PPP2R2B: variants seen among roughly 807,000 people sequenced by gnomAD.
PPP2R2B encodes serine/threonine-protein phosphatase 2A 55 kDa regulatory subunit B beta isoform.
A neutral mutation model predicts 46.0 loss-of-function variants in PPP2R2B; 5 were observed. The observed-to-expected ratio is 0.11, with a 90% confidence interval of 0.06 to 0.23. The LOEUF (loss-of-function observed/expected upper bound fraction) is 0.23. Ranked by LOEUF, PPP2R2B falls within the 10% of genes least tolerant of loss-of-function variation. PPP2R2B has a pLI of 1.00. For missense variants in PPP2R2B, 367 were observed against 575.0 expected, an observed-to-expected ratio of 0.64 and a Z score of 3.70; for synonymous variants, 215 against 206.7, an observed-to-expected ratio of 1.04 and a Z score of -0.34.
At chr5:146,650,469 C>A in intron 6 of PPP2R2B, 78 bp downstream of exon 6, 2 of 1,364,886 alleles carry the variant, frequency 1.5e-6, no homozygotes, top group Non-Finnish European at 1.0e-6. Flanking sequence ...ATTTCTATTC[C>A]ATATTTTCTC....
At chr5:146,691,061 C>G in intron 5 of PPP2R2B, 67 bp downstream of exon 5, 2 of 1,404,484 alleles carry the variant, frequency 1.4e-6, no homozygotes, top group Non-Finnish European at 1.0e-6. Flanking sequence ...CAGTAACAAC[C>G]AGCACATGGC....
chr5:146,618,234 G>A lies in PPP2R2B; in HGVS notation c.791-17774C>T, dbSNP rs7733139. On this transcript the variant is annotated intron_variant, in intron 7 of 9. Transcript: ENST00000394411. Reference sequence around the variant, plus strand: ...CAAGAGGGTCAAAGTCTGAATAACCGTATATGAGAAAGACAAGACTGGTCA... The same window carrying A: ...CAAGAGGGTCAAAGTCTGAATAACCATATATGAGAAAGACAAGACTGGTCA... Among the ~76,000 whole-genome samples the A allele has an allele frequency of 3.3e-3, 502 of 152,236 alleles. 4 individuals are homozygous for A. Among genetic ancestry groups the A allele is most frequent in the African/African-American group, 0.012 (479 of 41,548 alleles).
intron 1 of PPP2R2B, among the ~76,000 whole-genome samples, chr5:147,049,869 A>G (rs954094964): frequency 1.2e-4 from 18 of 152,228 alleles, no homozygotes; most frequent in African/African-American, 4.3e-4. Flanking sequence ...AGGTGGTGAC[A>G]GTGAGTGTGG....
At chr5:146,775,072 A>G (rs138545728) in intron 2 of PPP2R2B, among the ~76,000 whole-genome samples, 117 of 152,288 alleles carry the variant, frequency 7.7e-4, no homozygotes, top group African/African-American at 1.9e-3. Flanking sequence ...ATTAACACCA[A>G]TCCTTCTCAA....
intron 2 of PPP2R2B, chr5:146,706,606 G>A (rs1779872872): frequency 9.8e-6 from 8 of 816,708 alleles, no homozygotes; most frequent in South Asian, 9.3e-5. Context: ...AGCTCCCTGC[G>A]CTGCTCCGCA....
intron 2 of PPP2R2B, among the ~76,000 whole-genome samples, chr5:146,812,355 G>A (rs896893505): frequency 1.1e-4 from 16 of 148,320 alleles, no homozygotes; most frequent in African/African-American, 3.5e-4. Flanking sequence ...AGGAGGCTTC[G>A]TTGTAGTACT....
intron 1 of PPP2R2B, among the ~76,000 whole-genome samples, chr5:147,024,131 A>C (rs902629713): frequency 1.3e-5 from 2 of 151,662 alleles, no homozygotes; most frequent in African/African-American, 4.8e-5. Context: ...TGCGTGAGCC[A>C]ATTCTCATAA....
chr5:147,019,615 T>C (rs1755168144), intron 1 of PPP2R2B, among the ~76,000 whole-genome samples: 1 of 152,108 alleles, frequency 6.6e-6, no homozygotes, highest in Admixed American at 6.5e-5. Context: ...AAAAAGTCTA[T>C]CTATTACTTT....
chr5:146,909,729 G>T lies in PPP2R2B; in HGVS notation c.79+145936C>A, dbSNP rs1488862213. ...GTGACATATCTTGAGAAGAGTCAGG[G>T]TCTTTTCCAGTCTGCTGGTTCTGTG... On this transcript the variant is annotated intron_variant, in intron 1 of 8. Transcript: ENST00000336640. 4.6e-5 allele frequency among the ~76,000 whole-genome samples: 7 copies of T among 152,270 alleles called. No homozygotes were observed. In the East Asian group the frequency reaches 1.4e-3, roughly 29 times the overall value.
chr5:147,029,405 C>T (rs1241198157), intron 1 of PPP2R2B, among the ~76,000 whole-genome samples: 3 of 152,172 alleles, frequency 2.0e-5, no homozygotes, highest in Non-Finnish European at 1.5e-5. Flanking sequence ...ACATTTTCTC[C>T]ATTGCTCTGC....
chr5:146,936,195 A>G (rs1764133570), intron 1 of PPP2R2B, among the ~76,000 whole-genome samples: 1 of 152,116 alleles, frequency 6.6e-6, no homozygotes, highest in South Asian at 2.1e-4. Flanking sequence ...GTGTCTCAGT[A>G]TCTTATCTTT....
At chr5:146,738,695 G>A (rs1304030366) in intron 2 of PPP2R2B, among the ~76,000 whole-genome samples, 1 of 152,100 alleles carries the variant, frequency 6.6e-6, no homozygotes, top group African/African-American at 2.4e-5. Context: ...TTCCTCATGG[G>A]CAGAGAGCAC....
chr5:146,815,574 T>C (rs951072184), intron 2 of PPP2R2B, among the ~76,000 whole-genome samples: 5 of 152,222 alleles, frequency 3.3e-5, no homozygotes, highest in African/African-American at 1.2e-4. Context: ...GGGCGTGGCT[T>C]GTGGCTAATT....
rs111595117 is a variant in PPP2R2B at position 146,740,033 on chromosome 5, G to A, written c.71-38891C>T. 4.1e-3 allele frequency among the ~76,000 whole-genome samples: 629 copies of A among 152,290 alleles called. 2 individuals are homozygous for A. The highest frequency in any genetic ancestry group is 0.014 in the African/African-American group (595 of 41,556). Reference sequence around the variant, plus strand: ...GAGTGAGATATTATCATTTTCATCAGATTCTCAAAGGAACCTAAGACCTCA... The same window carrying A: ...GAGTGAGATATTATCATTTTCATCAAATTCTCAAAGGAACCTAAGACCTCA... On this transcript the variant is annotated intron_variant, in intron 2 of 9. Transcript: ENST00000394411.
chr5:146,701,235 T>C, intron 2 of PPP2R2B, 93 bp from the exon 3 acceptor site: 1 of 1,107,328 alleles, frequency 9.0e-7, no homozygotes, highest in Non-Finnish European at 1.4e-6. Flanking sequence ...TTTAAGGGCT[T>C]AGGGCTTTGT....
chr5:146,946,650 A>C (rs1561534869), intron 1 of PPP2R2B, among the ~76,000 whole-genome samples: 4 of 152,160 alleles, frequency 2.6e-5, no homozygotes, highest in Admixed American at 6.6e-5. Context: ...TTGTATGTAG[A>C]GTATATAAAA....
chr5:146,760,206 G>A (rs1754076310), intron 2 of PPP2R2B, among the ~76,000 whole-genome samples: 1 of 152,158 alleles, frequency 6.6e-6, no homozygotes, highest in African/African-American at 2.4e-5. Context: ...TAGGAACTAT[G>A]CCAAGTGCTT....
intron 5 of PPP2R2B, 40 bp downstream of exon 5, chr5:146,691,088 G>T: frequency 1.9e-6 from 3 of 1,564,496 alleles, no homozygotes; most frequent in Non-Finnish European, 2.6e-6. Context: ...TAGGAGACCT[G>T]CCCCTGACTG....
chr5:146,937,499 A>T (rs992485392), intron 1 of PPP2R2B, among the ~76,000 whole-genome samples: 2 of 152,136 alleles, frequency 1.3e-5, no homozygotes, highest in African/African-American at 4.8e-5. Flanking sequence ...CTGTGGAAGA[A>T]CTGTGGGTCC....
Sources: allele counts gnomAD v4.1 joint callset (sites outside exome capture counted in the v4.1 genomes callset), GRCh38; gene constraint gnomAD v4.1.1; transcripts MANE v1.5; gene names NCBI Gene and HGNC (gene_info 2026-07-23, HGNC 2026-07-21).